DIP2A: variants seen among roughly 807,000 people sequenced by gnomAD.
The protein encoded by DIP2A is DIP2 acetate--CoA ligase A.
DIP2A carries 85 observed loss-of-function variants against 177.4 expected under a neutral mutation model. The ratio of observed to expected loss-of-function variants is 0.48; its 90% CI spans 0.40 to 0.57. The LOEUF (loss-of-function observed/expected upper bound fraction) is 0.57, where lower values mean the gene tolerates loss of function less well. Ranked by LOEUF, DIP2A falls within the 20% of genes least tolerant of loss-of-function variation. The pLI, the probability that DIP2A is intolerant of heterozygous loss-of-function variation, is 0.00. For synonymous variants in DIP2A, 886 were observed against 881.8 expected, an observed-to-expected ratio of 1.00 and a Z score of -0.08; for missense variants, 1,791 against 2,100.2, an observed-to-expected ratio of 0.85 and a Z score of 2.88.
intron 8 of DIP2A, among the ~76,000 whole-genome samples, chr21:46,514,201 G>A (rs1407725459): frequency 2.6e-5 from 4 of 152,046 alleles, no homozygotes; most frequent in African/African-American, 4.8e-5. Flanking sequence ...TTGGGAGGCC[G>A]AGGCAGGCGG....
At chr21:46,497,192 A>T in intron 4 of DIP2A, 85 bp downstream of exon 4, 1 of 1,496,828 alleles carries the variant, frequency 6.7e-7, no homozygotes, top group Admixed American at 2.2e-5. Context: ...ATTGAGTTGG[A>T]ATATCCGTCT....
chr21:46,567,653 G>T lies in DIP2A; in HGVS notation c.*31G>T, dbSNP rs2060876090. On this transcript the variant is annotated 3_prime_UTR_variant, in exon 38 of 38. Transcript: ENST00000417564. ...GCACACCGGCCCAGGTGCCGGAGAT[G>T]AATGAGCCCCAGCAGTCCAAGGTGT... 1 of 1,556,362 alleles carries T rather than the reference G, an allele frequency of 6.4e-7. No individual in the cohort carries two copies. The highest frequency in any genetic ancestry group is 1.8e-5 in the Admixed American group (1 of 54,718).
intron 31 of DIP2A, 138 bp from the exon 32 acceptor site, chr21:46,558,085 C>A: frequency 1.1e-6 from 1 of 918,928 alleles, no homozygotes; most frequent in Non-Finnish European, 1.6e-6. Context: ...TTCTGTGGAA[C>A]AGACACAGCC....
rs1601713067 is a variant in DIP2A, at chr21:46,533,751, C to G, written c.1429+104C>G. On this transcript the variant is annotated intron_variant, in intron 11 of 37. Transcript: ENST00000417564. ...ATGACAGAGGTGTCTGGGTCTTCAG[C>G]AAAAGTGATCCCTTGTTCGAGTCCT... 2.0e-6 allele frequency: 3 copies of G among 1,508,794 alleles called. No homozygotes were observed. In the Admixed American group the frequency reaches 5.7e-5, roughly 29 times the overall value. 93.5% of individuals were successfully genotyped at this position (1,508,794 alleles called of 1,614,324 possible). A position where few individuals can be genotyped will look rare whatever the true frequency, so the allele number is the denominator to read the frequency against.
intron 1 of DIP2A, among the ~76,000 whole-genome samples, chr21:46,470,489 G>A (rs1263443673): frequency 6.7e-6 from 1 of 149,412 alleles, no homozygotes; most frequent in African/African-American, 2.5e-5. Flanking sequence ...AAAAAAAGGG[G>A]GGGCCAGGCA....
chr21:46,495,324 A>G (rs1052958244), intron 3 of DIP2A, among the ~76,000 whole-genome samples: 7 of 142,870 alleles, frequency 4.9e-5, no homozygotes, highest in Non-Finnish European at 9.0e-5. Flanking sequence ...GCTGGAGTGC[A>G]ATGGCGTGAT....
In DIP2A at chr21:46,459,196, CTGAGCT is replaced by C; in HGVS notation, c.66_71del (p.Glu27_Leu28del). On this transcript the variant is annotated inframe_deletion, in exon 1 of 38. Transcript: ENST00000417564. ...CCTGCCGAGGTGCGGGAGAGCCTGGCTGAGCTGGAGCTGGAGCTGTCGGAAGGTGAG... is the reference window on the plus strand; with the variant it reads ...CCTGCCGAGGTGCGGGAGAGCCTGGCGGAGCTGGAGCTGTCGGAAGGTGAG... 6 of 1,525,838 alleles carry C rather than the reference CTGAGCT, an allele frequency of 3.9e-6. No homozygotes were observed. The highest frequency in any genetic ancestry group is 5.3e-6 in the Non-Finnish European group (6 of 1,137,178). The allele number at this position is 1,525,838 out of a possible 1,614,324, so 94.5% of individuals were successfully genotyped here.
At chr21:46,566,385 C>T (rs1355258447) in intron 36 of DIP2A, among the ~76,000 whole-genome samples, 175 bp from the exon 37 acceptor site, 3 of 152,192 alleles carry the variant, frequency 2.0e-5, no homozygotes, top group African/African-American at 7.2e-5. Flanking sequence ...GCAGAGATAA[C>T]AGCCTGCTCT....
intron 8 of DIP2A, among the ~76,000 whole-genome samples, chr21:46,519,041 T>A (rs1461763001): frequency 6.6e-6 from 1 of 152,178 alleles, no homozygotes; most frequent in African/African-American, 2.4e-5. Flanking sequence ...GGGTGGGCAG[T>A]TTCTGGAACT....
chr21:46,575,156 T>C, the DIP2A span, among the ~76,000 whole-genome samples: 12 of 152,026 alleles, frequency 7.9e-5, no homozygotes, highest in African/African-American at 2.7e-4. Flanking sequence ...ACCATATTAA[T>C]GGAATGAAGG....
intron 17 of DIP2A, among the ~76,000 whole-genome samples, chr21:46,541,322 G>A (rs756376386): frequency 5.9e-5 from 9 of 152,172 alleles, no homozygotes; most frequent in Non-Finnish European, 1.2e-4. Context: ...AGCGGTGAGG[G>A]GCTGAGACAG....
chr21:46,466,937 A>G (rs985101088), intron 1 of DIP2A, among the ~76,000 whole-genome samples: 1 of 152,264 alleles, frequency 6.6e-6, no homozygotes, highest in East Asian at 1.9e-4. Flanking sequence ...TTGTTTTCAG[A>G]AATCTTTTAT....
intron 5 of DIP2A, among the ~76,000 whole-genome samples, chr21:46,499,592 A>G (rs1601530754): frequency 1.3e-5 from 2 of 152,196 alleles, no homozygotes; most frequent in African/African-American, 4.8e-5. Context: ...TGATGCATGG[A>G]TCTTTCCCAA....
At chr21:46,462,033 G>C (rs761358429) in intron 1 of DIP2A, among the ~76,000 whole-genome samples, 1 of 152,186 alleles carries the variant, frequency 6.6e-6, no homozygotes. Flanking sequence ...GGGAGACAGA[G>C]TGGGACCTTG....
rs570051104 is a variant in DIP2A, at chr21:46,520,398, A to G, written c.1103-8694A>G. On this transcript the variant is annotated intron_variant, in intron 8 of 37. Transcript: ENST00000417564. ...TCAAAACAAGTTACTTCTGTCTTCTATTAGTTCTGTTAGTCCTATTAGTTC... is the reference window on the plus strand; with the variant it reads ...TCAAAACAAGTTACTTCTGTCTTCTGTTAGTTCTGTTAGTCCTATTAGTTC... Among the ~76,000 whole-genome samples the G allele has an allele frequency of 5.8e-4, 89 of 152,346 alleles. 1 individual carries two copies. In the South Asian group the frequency reaches 8.7e-3, roughly 15 times the overall value.
At chr21:46,477,588 T>C (rs80191306) in intron 1 of DIP2A, among the ~76,000 whole-genome samples, 3 of 144,586 alleles carry the variant, frequency 2.1e-5, no homozygotes, top group East Asian at 4.1e-4. Flanking sequence ...TTTTTTTTTT[T>C]CTTGAGTCAG....
In DIP2A at chr21:46,537,531, T is replaced by G. The variant is rs2148794244; in HGVS notation, c.1793T>G (p.Phe598Cys). 1 of 1,614,194 alleles carries G rather than the reference T, an allele frequency of 6.2e-7. No individual in the cohort carries two copies. The highest frequency in any genetic ancestry group is 1.6e-4 in the Middle Eastern group (1 of 6,062). ...NPLSWIQKVC[F>C]YKARAALVKS... Reference sequence around the variant, plus strand: ...CTCTCCTGGATCCAGAAAGTGTGCTTCTATAAAGGTAACGGATACCATGGT... The same window carrying G: ...CTCTCCTGGATCCAGAAAGTGTGCTGCTATAAAGGTAACGGATACCATGGT... The change falls in exon 15 of 38, where the codon TTC becomes TGC. Residue 598 changes from phenylalanine to cysteine, a missense_variant. Physicochemically the swap from Phe to Cys is radical, Grantham distance 205. Coordinates refer to ENST00000417564, the MANE Select transcript of DIP2A (RefSeq NM_015151.4). This position sits in a 1 kb window ranked among gnomAD's most constrained non-coding sequence, Gnocchi z 4.1.
intron 32 of DIP2A, 42 bp downstream of exon 32, chr21:46,558,435 G>GCAGCATGGAGACCCAGTTTCC (rs2060549323): frequency 6.5e-7 from 1 of 1,541,916 alleles, no homozygotes; most frequent in Non-Finnish European, 8.7e-7. Flanking sequence ...CTGGCTGTTG[G>GCAGCATGGAGACCCAGTTTCC]CAGCATGGAG....
At chr21:46,464,381 G>A (rs1030119734) in intron 1 of DIP2A, among the ~76,000 whole-genome samples, 5 of 152,068 alleles carry the variant, frequency 3.3e-5, no homozygotes, top group Admixed American at 2.6e-4. Flanking sequence ...CAACAAGAGC[G>A]AAACTTCGTC....
Sources: gnomAD v4.1 joint callset for allele counts (sites outside exome capture counted in the v4.1 genomes callset) on GRCh38, gnomAD v4.1.1 for gene constraint, Gnocchi (gnomAD v3.1) non-coding constraint, MANE v1.5 for transcripts, NCBI Gene and HGNC (gene_info 2026-07-23, HGNC 2026-07-21) for gene names.